The following CSMD1 variants were observed in gnomAD, a reference collection of about 807,000 sequenced individuals.
CSMD1 encodes the protein CUB and sushi domain-containing protein 1.
CSMD1 carries 213 observed loss-of-function variants against 417.5 expected under a neutral mutation model. The observed-to-expected ratio is 0.51, with a 90% CI of 0.46 to 0.57. CSMD1 has a LOEUF of 0.57. Ranked by LOEUF, CSMD1 falls within the 20% of genes least tolerant of loss-of-function variation. The probability of loss-of-function intolerance (pLI) is 0.00; values close to 1 mark genes in which losing one functional copy is unlikely to be tolerated. For missense variants in CSMD1, 6,923 were observed against 4,529.7 expected, an observed-to-expected ratio of 1.53 and a Z score of -15.17; for synonymous variants, 2,862 against 1,736.8, an observed-to-expected ratio of 1.65 and a Z score of -16.11.
chr8:3,343,036 T>C (rs1052341429), intron 23 of CSMD1, among the ~76,000 whole-genome samples: 1 of 152,166 alleles, frequency 6.6e-6, no homozygotes, highest in African/African-American at 2.4e-5. Flanking sequence ...GCCCATCAGA[T>C]CTAAAATGTT....
chr8:4,813,887 T>A (rs1799054888), intron 1 of CSMD1, among the ~76,000 whole-genome samples: 1 of 152,232 alleles, frequency 6.6e-6, no homozygotes, highest in Admixed American at 6.5e-5. Flanking sequence ...TTAGAGAATA[T>A]TTACAAGTAG....
intron 1 of CSMD1, among the ~76,000 whole-genome samples, chr8:4,798,952 A>C (rs963955152): frequency 6.6e-6 from 1 of 152,178 alleles, no homozygotes; most frequent in Non-Finnish European, 1.5e-5. Flanking sequence ...TCTGCCCTCC[A>C]AATTCACTCT....
intron 3 of CSMD1, among the ~76,000 whole-genome samples, chr8:4,130,564 C>G (rs979230686): frequency 2.6e-5 from 4 of 152,098 alleles, no homozygotes; most frequent in Non-Finnish European, 4.4e-5. Context: ...AAATCAATTA[C>G]CACTGACCTT....
At chr8:4,930,464 T>C (rs1159787979) in intron 1 of CSMD1, among the ~76,000 whole-genome samples, 1 of 152,134 alleles carries the variant, frequency 6.6e-6, no homozygotes, top group Non-Finnish European at 1.5e-5. Context: ...TGTTAGCTTA[T>C]TAGTTTACTC....
intron 10 of CSMD1, among the ~76,000 whole-genome samples, chr8:3,565,262 G>A (rs1585378118): frequency 6.7e-6 from 1 of 150,368 alleles, no homozygotes; most frequent in Admixed American, 6.6e-5. Context: ...GATGAACTAA[G>A]GGATCTGTCA....
At chr8:3,605,509 G>C (rs1370236762) in intron 8 of CSMD1, among the ~76,000 whole-genome samples, 4 of 152,176 alleles carry the variant, frequency 2.6e-5, no homozygotes, top group Non-Finnish European at 5.9e-5. Flanking sequence ...ACTGAATGTG[G>C]AAACTAGAAA....
chr8:4,787,879 A>G (rs1797491712), intron 1 of CSMD1: 1 of 1,576,296 alleles, frequency 6.3e-7, no homozygotes, highest in Admixed American at 1.7e-5. Flanking sequence ...ACTGGTTGAT[A>G]TGAAGATTGA....
At chr8:3,680,207 G>C (rs546894385) in intron 7 of CSMD1, among the ~76,000 whole-genome samples, 1 of 152,112 alleles carries the variant, frequency 6.6e-6, no homozygotes, top group Admixed American at 6.5e-5. Flanking sequence ...GAAGGAGATG[G>C]AGATACAAAA....
chr8:4,462,663 C>A (rs1799906587), intron 2 of CSMD1, among the ~76,000 whole-genome samples: 1 of 152,156 alleles, frequency 6.6e-6, no homozygotes, highest in Admixed American at 6.6e-5. Context: ...ATAAAATTCA[C>A]GTTCCAGAGA....
At chr8:3,923,538 C>T (rs1809430040) in intron 5 of CSMD1, among the ~76,000 whole-genome samples, 1 of 152,116 alleles carries the variant, frequency 6.6e-6, no homozygotes, top group Non-Finnish European at 1.5e-5. Context: ...GCATTTCCCA[C>T]ACAGAACAGG....
At chr8:4,392,309 G>A (rs981839679) in intron 3 of CSMD1, among the ~76,000 whole-genome samples, 2 of 152,136 alleles carry the variant, frequency 1.3e-5, no homozygotes, top group Non-Finnish European at 2.9e-5. Flanking sequence ...ACAAGCGGCA[G>A]GTTTTACCAT....
chr8:4,762,587 A>C (rs1189513972), intron 1 of CSMD1, among the ~76,000 whole-genome samples: 1 of 152,150 alleles, frequency 6.6e-6, no homozygotes, highest in East Asian at 1.9e-4. Flanking sequence ...AGGAAGAACC[A>C]GTGCATCCCT....
intron 10 of CSMD1, among the ~76,000 whole-genome samples, chr8:3,496,261 C>A (rs1796360383): frequency 6.6e-6 from 1 of 152,176 alleles, no homozygotes; most frequent in Non-Finnish European, 1.5e-5. Context: ...AGTCTCTTTG[C>A]CAAAATCCTG....
At chr8:3,563,523 C>T (rs1417389559) in intron 10 of CSMD1, among the ~76,000 whole-genome samples, 1 of 150,158 alleles carries the variant, frequency 6.7e-6, no homozygotes, top group South Asian at 2.1e-4. Flanking sequence ...GTATTTACAC[C>T]TCCCTGTATC....
At chr8:3,391,131 T>C (rs1385210444) in intron 17 of CSMD1, among the ~76,000 whole-genome samples, 1 of 151,786 alleles carries the variant, frequency 6.6e-6, no homozygotes, top group Non-Finnish European at 1.5e-5. Context: ...CCGACCACTC[T>C]CCTTTCCTTT....
intron 26 of CSMD1, among the ~76,000 whole-genome samples, chr8:3,271,161 G>C (rs887253230): frequency 6.9e-6 from 1 of 143,888 alleles, no homozygotes; most frequent in Admixed American, 7.6e-5. Context: ...TCCCACCTTT[G>C]AGTGAGAATA....
intron 3 of CSMD1, among the ~76,000 whole-genome samples, chr8:4,224,904 G>A (rs937634694): frequency 2.8e-4 from 4 of 14,296 alleles, no homozygotes; most frequent in South Asian, 2.3e-3. Flanking sequence ...GAGGTCAGGA[G>A]TCCAAAGGCC....
chr8:4,097,268 A>G (rs776327515), intron 3 of CSMD1, among the ~76,000 whole-genome samples: 2 of 152,196 alleles, frequency 1.3e-5, no homozygotes, highest in East Asian at 3.8e-4. Flanking sequence ...AGAAAACTAG[A>G]TTACAGTCTA....
rs145265448 is a variant in CSMD1, at chr8:4,739,139, C to T, written c.86-101581G>A. Among the ~76,000 whole-genome samples the T allele has an allele frequency of 3.5e-3, 533 of 152,294 alleles. 6 individuals carry two copies. Among genetic ancestry groups the T allele is most frequent in the Middle Eastern group, 6.8e-3 (2 of 294 alleles). On this transcript the variant is annotated intron_variant, in intron 1 of 69. Transcript: ENST00000635120. ...ACACATACATGTGAACATACACACA[C>T]GCATACACACACTTTACTTCCTAAT...
Sources: allele counts gnomAD v4.1 joint callset (sites outside exome capture counted in the v4.1 genomes callset), GRCh38; gene constraint gnomAD v4.1.1; transcripts MANE v1.5; gene names NCBI Gene and HGNC (gene_info 2026-07-23, HGNC 2026-07-21).